TRPM6: variants seen among roughly 807,000 people sequenced by gnomAD.
TRPM6 encodes channel kinase 2.
In TRPM6, 111 loss-of-function variants were observed where a neutral mutation model predicts 247.6. The observed-to-expected ratio is 0.45, with a 90% CI of 0.38 to 0.52. TRPM6 has a LOEUF of 0.52. Among genes scored for constraint, TRPM6 ranks in the 20% least tolerant of loss-of-function variants. TRPM6 has a pLI of 0.00. For missense variants in TRPM6, 2,126 were observed against 2,421.5 expected (o/e 0.88, Z 2.56); for synonymous variants, 892 against 853.8 (o/e 1.04, Z -0.78).
At chr9:74,808,264 CAAG>C in intron 13 of TRPM6, 90 bp from the exon 14 acceptor site, 1 of 1,526,282 alleles carries the variant, frequency 6.6e-7, no homozygotes. Context: ...AAATTAATTG[CAAG>C]AAGGTAGACA....
chr9:74,850,538 G>C (rs1011926456), intron 3 of TRPM6, among the ~76,000 whole-genome samples: 2 of 151,970 alleles, frequency 1.3e-5, no homozygotes, highest in Non-Finnish European at 2.9e-5. Context: ...TGGCCAACAT[G>C]GTGAAACCCT....
intron 1 of TRPM6, among the ~76,000 whole-genome samples, chr9:74,874,810 T>C (rs1184814258): frequency 6.6e-6 from 1 of 151,460 alleles, no homozygotes; most frequent in Non-Finnish European, 1.5e-5. Context: ...GGCCAGAGTG[T>C]AGTGGTGCAA....
intron 4 of TRPM6, among the ~76,000 whole-genome samples, chr9:74,841,770 T>C (rs537083416): frequency 2.7e-4 from 41 of 152,312 alleles, no homozygotes; most frequent in African/African-American, 9.6e-4. Context: ...CTCCCAGAGT[T>C]CTGGGGTTAC....
chr9:74,807,908 A>G lies in TRPM6; in HGVS notation c.1638+126T>C, dbSNP rs555433442. ...CAGTATACTTCACATACAGCAGATA[A>G]CAAATGTCCATAAATAAAATGACCA... On this transcript the variant is annotated intron_variant, in intron 14 of 38. Transcript: ENST00000360774. The G allele has an allele frequency of 1.6e-4, 167 of 1,076,112 alleles. No individual in the cohort carries two copies. The African/African-American group carries it at 2.3e-3, about 15-fold the overall frequency. The allele number at this position is 1,076,112 out of a possible 1,614,324, so 66.7% of individuals were successfully genotyped here. A position where few individuals can be genotyped will look rare whatever the true frequency, so the allele number is the denominator to read the frequency against.
Position 74,812,424 on chromosome 9 carries a change from G to A in TRPM6, c.1318C>T (p.Leu440=). The change falls in exon 12 of 39, where the codon CTG becomes TTG. Residue 440 remains leucine, a synonymous_variant. Transcript: ENST00000360774. ...AAAGCATCTGACATTGCTTGTTCCA[G>A]GGCATCAGGCTTCAGAAAGCACAAA... ...IYEQHWKPDA[L]EQAMSDALVM... 1.2e-6 allele frequency: 2 copies of A among 1,613,852 alleles called. No homozygotes were observed. Among genetic ancestry groups the A allele is most frequent in the Non-Finnish European group, 1.7e-6 (2 of 1,179,936 alleles).
chr9:74,844,539 A>G (rs907813353), intron 3 of TRPM6, among the ~76,000 whole-genome samples: 6 of 152,202 alleles, frequency 3.9e-5, no homozygotes, highest in African/African-American at 1.4e-4. Context: ...TTTCTTTTGA[A>G]GCTTTCTCAC....
chr9:74,778,651 T>G (rs1351195034), intron 23 of TRPM6, among the ~76,000 whole-genome samples: 1 of 152,140 alleles, frequency 6.6e-6, no homozygotes, highest in East Asian at 1.9e-4. Flanking sequence ...ACTTATCACT[T>G]CTTTCAGTGG....
intron 9 of TRPM6, among the ~76,000 whole-genome samples, chr9:74,817,352 TC>T (rs1828971683): frequency 6.6e-6 from 1 of 152,208 alleles, no homozygotes; most frequent in South Asian, 2.1e-4. Flanking sequence ...TGCTTTTTTT[TC>T]TCTTTTCTTA....
chr9:74,783,552 T>C (rs1174180490), intron 21 of TRPM6, among the ~76,000 whole-genome samples: 2 of 152,206 alleles, frequency 1.3e-5, no homozygotes, highest in African/African-American at 4.8e-5. Context: ...AGGAGCTAAA[T>C]GTTCACATAG....
At chr9:74,872,494 A>G (rs1587603434) in intron 1 of TRPM6, among the ~76,000 whole-genome samples, 1 of 151,516 alleles carries the variant, frequency 6.6e-6, no homozygotes, top group South Asian at 2.1e-4. Flanking sequence ...CAGTGGCACA[A>G]TCTTGGCTTA....
chr9:74,869,197 C>T (rs1830948303), intron 1 of TRPM6, among the ~76,000 whole-genome samples: 1 of 151,996 alleles, frequency 6.6e-6, no homozygotes, highest in Non-Finnish European at 1.5e-5. Context: ...CTAAAAACAA[C>T]AGTCAGGGCC....
rs746906678 is a variant in TRPM6, at chr9:74,820,297, T to G, written c.1134+7A>C. 6.2e-7 allele frequency: 1 copy of G among 1,614,006 alleles called. No homozygotes were observed. The highest frequency in any genetic ancestry group is 2.2e-5 in the East Asian group (1 of 44,886). On this transcript the variant is annotated splice_region_variant and intron_variant, in intron 9 of 38. Coordinates refer to ENST00000360774, the MANE Select transcript of TRPM6 (RefSeq NM_017662.5). ...AGTCAGTTGAATCATCAACTCGTCA[T>G]ACTCACACAATCCCTGTGAACCATA... is the stretch of plus-strand genomic sequence containing the variant.
At chr9:74,785,585 C>T (rs1052384582) in intron 21 of TRPM6, among the ~76,000 whole-genome samples, 1 of 152,096 alleles carries the variant, frequency 6.6e-6, no homozygotes, top group African/African-American at 2.4e-5. Context: ...TGCAGTGGCG[C>T]AATCTCGGCT....
At chr9:74,788,766 C>T in intron 19 of TRPM6, 24 bp from the exon 20 acceptor site, 1 of 1,612,440 alleles carries the variant, frequency 6.2e-7, no homozygotes, top group Non-Finnish European at 8.5e-7. Flanking sequence ...ACACATTCCC[C>T]AGATGTGAGT....
At chr9:74,847,576 C>T (rs1421219521) in intron 3 of TRPM6, among the ~76,000 whole-genome samples, 1 of 151,836 alleles carries the variant, frequency 6.6e-6, no homozygotes, top group Non-Finnish European at 1.5e-5. Flanking sequence ...ATACAACCCC[C>T]CACTGCTAAA....
At chr9:74,737,498 A>C (rs1178809895) in intron 36 of TRPM6, 1 of 1,155,542 alleles carries the variant, frequency 8.7e-7, no homozygotes, top group Admixed American at 2.3e-5. Flanking sequence ...TGTTTAAACA[A>C]ACCATAAGAT....
chr9:74,771,489 A>G (rs575675794), intron 25 of TRPM6, among the ~76,000 whole-genome samples: 1 of 152,314 alleles, frequency 6.6e-6, no homozygotes, highest in South Asian at 2.1e-4. Flanking sequence ...TGTCTTATTA[A>G]CCACTTATTC....
intron 21 of TRPM6, among the ~76,000 whole-genome samples, chr9:74,783,412 T>A (rs563914189): frequency 2.3e-4 from 35 of 152,204 alleles, no homozygotes; most frequent in Non-Finnish European, 3.8e-4. Flanking sequence ...TTTCCTTCCA[T>A]TAGGCTGGGG....
intron 1 of TRPM6, among the ~76,000 whole-genome samples, chr9:74,874,962 G>A (rs1036419373): frequency 1.0e-4 from 15 of 149,510 alleles, no homozygotes; most frequent in Middle Eastern, 3.4e-3. Context: ...GACAAGTTTC[G>A]CCATATTGGC....
Sources: gnomAD v4.1 joint callset for allele counts (sites outside exome capture counted in the v4.1 genomes callset) on GRCh38, gnomAD v4.1.1 for gene constraint, MANE v1.5 for transcripts, NCBI Gene and HGNC (gene_info 2026-07-23, HGNC 2026-07-21) for gene names.